A4GALT: variants seen among roughly 807,000 people sequenced by gnomAD.
A4GALT encodes the protein lactosylceramide 4-alpha-galactosyltransferase.
For missense variants in A4GALT, 512 were observed against 486.0 expected (o/e 1.05, Z -0.50); for synonymous variants, 257 against 220.7 (o/e 1.16, Z -1.46).
chr22:42,697,825 C>T (rs759640329), intron 1 of A4GALT, among the ~76,000 whole-genome samples: 3 of 152,142 alleles, frequency 2.0e-5, no homozygotes, highest in Non-Finnish European at 2.9e-5. Flanking sequence ...CACTACTTCC[C>T]GCCCTGTCAC....
At chr22:42,711,721 C>G (rs1177005207) in intron 1 of A4GALT, among the ~76,000 whole-genome samples, 1 of 152,126 alleles carries the variant, frequency 6.6e-6, no homozygotes, top group Non-Finnish European at 1.5e-5. Flanking sequence ...ACAACCTCCA[C>G]TTCCTGGGTT....
chr22:42,714,673 G>A (rs1234816070), intron 1 of A4GALT, among the ~76,000 whole-genome samples: 3 of 152,132 alleles, frequency 2.0e-5, no homozygotes, highest in Admixed American at 2.0e-4. Flanking sequence ...CCACTCGGGA[G>A]GCTGAGAATC....
At chr22:42,706,036 A>AAAG (rs1327529779) in intron 1 of A4GALT, among the ~76,000 whole-genome samples, 1 of 87,726 alleles carries the variant, frequency 1.1e-5, no homozygotes. Context: ...CCTGGGTGAC[A>AAAG]CAGACTACAT....
intron 1 of A4GALT, among the ~76,000 whole-genome samples, chr22:42,714,879 G>T (rs1922029612): frequency 6.6e-6 from 1 of 152,138 alleles, no homozygotes; most frequent in South Asian, 2.1e-4. Flanking sequence ...TTGGGTTAGG[G>T]GGTGCTGCTC....
chr22:42,703,366 C>T (rs149877006), intron 1 of A4GALT, among the ~76,000 whole-genome samples: 1,729 of 151,034 alleles, frequency 0.011, 35 homozygotes, highest in African/African-American at 0.04. Context: ...AGTGATTGTC[C>T]TGCCTCAGCC....
rs765334659 is a variant in A4GALT at position 42,693,096 on chromosome 22, G to C, written c.856C>G (p.Pro286Ala). 6.2e-7 allele frequency: 1 copy of C among 1,612,724 alleles called. No individual in the cohort carries two copies. The highest frequency in any genetic ancestry group is 8.5e-7 in the Non-Finnish European group (1 of 1,179,612). ...VTTLPPEAFY[P>A]IPWQDWKKYF... ...TTCTTCCAGTCCTGCCAGGGGATGG[G>C]GTAGAAGGCCTCAGGGGGCAGGGTG... The change falls in exon 3 of 3, where the codon CCC becomes GCC. Residue 286 changes from proline (P) to alanine (A), a missense_variant. Pro to Ala is a conservative substitution (Grantham distance 27). Coordinates refer to ENST00000642412, the MANE Select transcript of A4GALT (RefSeq NM_017436.7).
At position 42,692,392 on chromosome 22, in the gene A4GALT, C is replaced by T; in HGVS notation, c.*498G>A. 9.1e-6 allele frequency: 3 copies of T among 331,192 alleles called. No individual in the cohort carries two copies. Among genetic ancestry groups the T allele is most frequent in the Non-Finnish European group, 1.8e-5 (3 of 167,734 alleles). The allele number at this position is 331,192 out of a possible 1,614,324, so 20.5% of individuals were successfully genotyped here. A position where few individuals can be genotyped will look rare whatever the true frequency, so the allele number is the denominator to read the frequency against. On this transcript the variant is annotated 3_prime_UTR_variant, in exon 3 of 3. Coordinates refer to ENST00000642412, the MANE Select transcript of A4GALT (RefSeq NM_017436.7). This position sits in a 1 kb window ranked among gnomAD's most constrained non-coding sequence, Gnocchi z 4.6. Reference sequence around the variant, plus strand: ...CAGTCCCTGTTGACCTCCCCCACCCCCCGCGAAAGAGGAACCAAAACCAGA... The same window carrying T: ...CAGTCCCTGTTGACCTCCCCCACCCTCCGCGAAAGAGGAACCAAAACCAGA...
intron 1 of A4GALT, among the ~76,000 whole-genome samples, chr22:42,698,333 G>C (rs1406131403): frequency 1.3e-5 from 2 of 151,932 alleles, no homozygotes; most frequent in Non-Finnish European, 2.9e-5. Flanking sequence ...CCAGGTTCTT[G>C]GCACCAGCTC....
chr22:42,696,281 A>G (rs890673857), intron 1 of A4GALT, among the ~76,000 whole-genome samples: 3 of 148,766 alleles, frequency 2.0e-5, no homozygotes, highest in African/African-American at 7.5e-5. Context: ...TTAGCCGGGC[A>G]TGGTGGCGCA....
At chr22:42,719,651 G>C (rs557783206) in intron 1 of A4GALT, among the ~76,000 whole-genome samples, 2 of 152,258 alleles carry the variant, frequency 1.3e-5, no homozygotes, top group Admixed American at 6.5e-5. Flanking sequence ...GGGAAATCTT[G>C]AGGGAGGCCT....
At chr22:42,701,572 T>A (rs886906361) in intron 1 of A4GALT, among the ~76,000 whole-genome samples, 14 of 151,870 alleles carry the variant, frequency 9.2e-5, no homozygotes, top group Admixed American at 7.9e-4. Flanking sequence ...GGCAGAGGGG[T>A]CATCTAGGTT....
chr22:42,719,447 C>G (rs1466094178), intron 1 of A4GALT, among the ~76,000 whole-genome samples: 1 of 152,042 alleles, frequency 6.6e-6, no homozygotes, highest in Non-Finnish European at 1.5e-5. Flanking sequence ...AGAGGGAGAC[C>G]CTAAAAAACA....
Position 42,693,097 on chromosome 22 carries a change from G to A in A4GALT, c.855C>T (p.Tyr285=), listed in dbSNP as rs750535930. The stretch of plus-strand genomic sequence containing the variant: ...TCTTCCAGTCCTGCCAGGGGATGGG[G>A]TAGAAGGCCTCAGGGGGCAGGGTGG... ...GVTTLPPEAF[Y]PIPWQDWKKY... is the part of the protein sequence containing the mutation. Residue 285 remains tyrosine (Y), a synonymous_variant, in exon 3 of 3, where the codon TAC becomes TAT. Transcript: ENST00000642412. 1 of 1,612,654 alleles carries A rather than the reference G, an allele frequency of 6.2e-7. No homozygotes were observed. Among genetic ancestry groups the A allele is most frequent in the South Asian group, 1.1e-5 (1 of 90,954 alleles).
chr22:42,719,276 A>G (rs1043739805), intron 1 of A4GALT, among the ~76,000 whole-genome samples: 1 of 152,226 alleles, frequency 6.6e-6, no homozygotes, highest in Admixed American at 6.5e-5. Flanking sequence ...ACAGGCACCC[A>G]AGGCATTAGA....
intron 1 of A4GALT, among the ~76,000 whole-genome samples, chr22:42,707,128 A>G (rs1263255012): frequency 6.6e-6 from 1 of 152,204 alleles, no homozygotes; most frequent in Non-Finnish European, 1.5e-5. Context: ...TCAGTAAGGT[A>G]CTATAATATT....
rs9623667 is a variant in A4GALT, at chr22:42,707,901, G to C, written c.-187-12270C>G. On this transcript the variant is annotated intron_variant, in intron 1 of 2. Coordinates refer to ENST00000642412, the MANE Select transcript of A4GALT (RefSeq NM_017436.7). ...TAATCTCAGAGCATTTTGGGAGGCT[G>C]GGGTGGGAGGATCGTTTGAGACCAG... 8.2e-3 allele frequency among the ~76,000 whole-genome samples: 1,247 copies of C among 151,724 alleles called. 5 individuals carry two copies. The highest frequency in any genetic ancestry group is 0.018 in the Admixed American group (266 of 15,198).
upstream of A4GALT, chr22:42,720,923 G>GC (rs201219774): frequency 1 from 145,835 of 145,856 alleles, 72,907 homozygotes; most frequent in Middle Eastern, 1. Context: ...GGCGGGGTCA[G>GC]GCCGCCCCGC....
chr22:42,711,452 C>T (rs1921687136), intron 1 of A4GALT, among the ~76,000 whole-genome samples: 1 of 152,098 alleles, frequency 6.6e-6, no homozygotes, highest in African/African-American at 2.4e-5. Context: ...CACAGGTTTG[C>T]AGTTGCAAAA....
intron 1 of A4GALT, among the ~76,000 whole-genome samples, chr22:42,719,989 C>T (rs1000657744): frequency 2.0e-5 from 3 of 152,154 alleles, no homozygotes; most frequent in Admixed American, 2.0e-4. Context: ...GGAACTTGTC[C>T]CTCCGGATGA....
Sources: gnomAD v4.1 joint callset for allele counts (sites outside exome capture counted in the v4.1 genomes callset) on GRCh38, gnomAD v4.1.1 for gene constraint, Gnocchi (gnomAD v3.1) non-coding constraint, MANE v1.5 for transcripts, NCBI Gene and HGNC (gene_info 2026-07-23, HGNC 2026-07-21) for gene names.